Variants in VAV3 observed in about 807,000 individuals in gnomAD.
VAV3 encodes guanine nucleotide exchange factor VAV3.
In VAV3, 94 loss-of-function variants were observed where a neutral mutation model predicts 131.2. The observed-to-expected ratio is 0.72, with a 90% CI of 0.61 to 0.85. The LOEUF (loss-of-function observed/expected upper bound fraction) is 0.85, where lower values mean the gene tolerates loss of function less well. VAV3 is among the 40% of genes least tolerant of loss of function. The probability of loss-of-function intolerance (pLI) is 0.00; values close to 1 mark genes in which losing one functional copy is unlikely to be tolerated. For missense variants in VAV3, 939 were observed against 1,002.7 expected (o/e 0.94, Z 0.86); for synonymous variants, 349 against 342.0 (o/e 1.02, Z -0.22).
intron 19 of VAV3, among the ~76,000 whole-genome samples, chr1:107,668,338 A>G (rs563148622): frequency 6.6e-6 from 1 of 152,358 alleles, no homozygotes; most frequent in Admixed American, 6.5e-5. Context: ...TGGAAGTTTT[A>G]TAAGGATTTG....
chr1:107,704,401 A>C (rs1162429132), intron 17 of VAV3, 149 bp downstream of exon 17: 5 of 588,394 alleles, frequency 8.5e-6, no homozygotes. Context: ...GTAAATTTTA[A>C]GCATTTTTCT....
chr1:107,851,075 T>A (rs1669199642), intron 2 of VAV3, among the ~76,000 whole-genome samples: 1 of 150,292 alleles, frequency 6.7e-6, no homozygotes, highest in Non-Finnish European at 1.5e-5. Flanking sequence ...GAGAAGCAAC[T>A]GCCACATGAA....
At chr1:107,606,517 T>G (rs946758352) in intron 22 of VAV3, among the ~76,000 whole-genome samples, 3 of 152,168 alleles carry the variant, frequency 2.0e-5, no homozygotes, top group Non-Finnish European at 2.9e-5. Flanking sequence ...ATTGCTGCCC[T>G]TGGTTTTCTC....
chr1:107,724,171 C>T (rs1218004000), intron 15 of VAV3, among the ~76,000 whole-genome samples: 1 of 151,684 alleles, frequency 6.6e-6, no homozygotes, highest in African/African-American at 2.4e-5. Context: ...GTAAAGAAAC[C>T]CATTTATTCA....
chr1:107,794,326 T>C (rs1232291063), intron 2 of VAV3, among the ~76,000 whole-genome samples: 1 of 147,628 alleles, frequency 6.8e-6, no homozygotes, highest in Non-Finnish European at 1.5e-5. Context: ...AACAGGATTA[T>C]GGAAATTAGC....
At chr1:107,860,232 T>C (rs1011160587) in intron 2 of VAV3, among the ~76,000 whole-genome samples, 3 of 152,170 alleles carry the variant, frequency 2.0e-5, no homozygotes, top group Non-Finnish European at 2.9e-5. Context: ...GCCATCCTCC[T>C]ACCTCAATCT....
chr1:107,726,654 C>T (rs569146479), intron 15 of VAV3, among the ~76,000 whole-genome samples: 60 of 152,278 alleles, frequency 3.9e-4, no homozygotes, highest in African/African-American at 1.3e-3. Flanking sequence ...TTGCAAGATA[C>T]GATATGTTTT....
intron 10 of VAV3, among the ~76,000 whole-genome samples, chr1:107,758,608 G>A (rs540189188): frequency 5.3e-5 from 8 of 151,964 alleles, no homozygotes; most frequent in Admixed American, 2.6e-4. Flanking sequence ...GCTTCTGATC[G>A]GCCTTCTGAC....
At chr1:107,583,797 GAAGA>G (rs1249058037) in intron 25 of VAV3, among the ~76,000 whole-genome samples, 3 of 152,186 alleles carry the variant, frequency 2.0e-5, no homozygotes, top group Non-Finnish European at 4.4e-5. Flanking sequence ...TCATGGGTAG[GAAGA>G]ATCAATATCG....
chr1:107,835,249 C>T (rs1668420915), intron 2 of VAV3, among the ~76,000 whole-genome samples: 2 of 152,174 alleles, frequency 1.3e-5, no homozygotes, highest in Admixed American at 1.3e-4. Context: ...GCCTCAGTGC[C>T]TTGCCATGGC....
intron 25 of VAV3, among the ~76,000 whole-genome samples, chr1:107,589,192 G>A (rs1032626972): frequency 6.6e-6 from 1 of 152,184 alleles, no homozygotes; most frequent in Non-Finnish European, 1.5e-5. Flanking sequence ...GGGTCGAATG[G>A]TGGCCCTTCA....
intron 2 of VAV3, chr1:107,820,673 A>G (rs972326389): frequency 2.0e-5 from 3 of 152,166 alleles, no homozygotes; most frequent in African/African-American, 7.2e-5. Flanking sequence ...TGCCCCATTT[A>G]CCCTGATGTA....
At chr1:107,865,465 G>T (rs1181180133) in intron 2 of VAV3, among the ~76,000 whole-genome samples, 1 of 152,180 alleles carries the variant, frequency 6.6e-6, no homozygotes, top group Admixed American at 6.5e-5. Flanking sequence ...GGAATGAAAA[G>T]AAAAGGCATT....
intron 2 of VAV3, among the ~76,000 whole-genome samples, chr1:107,859,693 T>C (rs1402658937): frequency 2.6e-5 from 4 of 152,168 alleles, no homozygotes; most frequent in Non-Finnish European, 5.9e-5. Context: ...ACATCAAAAA[T>C]GATAATCACC....
At chr1:107,692,121 C>T (rs1415764702) in intron 17 of VAV3, among the ~76,000 whole-genome samples, 1 of 152,056 alleles carries the variant, frequency 6.6e-6, no homozygotes, top group Middle Eastern at 3.4e-3. Flanking sequence ...TTGAAGGTAC[C>T]CTATCATCGT....
intron 15 of VAV3, among the ~76,000 whole-genome samples, chr1:107,712,419 TC>T (rs1171281879): frequency 6.6e-6 from 1 of 152,228 alleles, no homozygotes; most frequent in Non-Finnish European, 1.5e-5. Context: ...TACAAATTCT[TC>T]TTCCAAAGTG....
intron 1 of VAV3, among the ~76,000 whole-genome samples, chr1:107,899,170 T>C (rs1671745488): frequency 6.6e-6 from 1 of 152,240 alleles, no homozygotes; most frequent in Non-Finnish European, 1.5e-5. Context: ...ATGACTTTTT[T>C]CACAATGCAG....
At chr1:107,599,405 C>T (rs1429215913) in intron 24 of VAV3, among the ~76,000 whole-genome samples, 1 of 152,162 alleles carries the variant, frequency 6.6e-6, no homozygotes, top group East Asian at 1.9e-4. Flanking sequence ...AATCGCTAAG[C>T]TTTCCTTATC....
intron 17 of VAV3, among the ~76,000 whole-genome samples, chr1:107,692,740 G>C (rs1034612893): frequency 2.0e-5 from 3 of 152,198 alleles, no homozygotes; most frequent in African/African-American, 4.8e-5. Context: ...AGCAGCAGGA[G>C]CAGCAGCTGG....
Sources: gnomAD v4.1 joint callset for allele counts (sites outside exome capture counted in the v4.1 genomes callset) on GRCh38, gnomAD v4.1.1 for gene constraint, MANE v1.5 for transcripts, NCBI Gene and HGNC (gene_info 2026-07-23, HGNC 2026-07-21) for gene names.